MCF2L2: variants seen among roughly 807,000 people sequenced by gnomAD.
The protein encoded by MCF2L2 is MCF.2 cell line derived transforming sequence-like 2, also known as probable guanine nucleotide exchange factor MCF2L2.
A neutral mutation model predicts 150.2 loss-of-function variants in MCF2L2; 102 were observed. That is an observed-to-expected ratio of 0.68 (90% CI 0.58 to 0.80). The LOEUF (loss-of-function observed/expected upper bound fraction) is 0.80. MCF2L2 is among the 30% of genes least tolerant of loss of function. The pLI is 0.00. For synonymous variants in MCF2L2, 465 were observed against 491.3 expected, an observed-to-expected ratio of 0.95 and a Z score of 0.71; for missense variants, 1,256 against 1,372.8, an observed-to-expected ratio of 0.91 and a Z score of 1.34.
chr3:183,211,385 T>C lies in MCF2L2; in HGVS notation c.2497-3562A>G, dbSNP rs571186048. 2.0e-5 allele frequency among the ~76,000 whole-genome samples: 3 copies of C among 152,296 alleles called. No individual in the cohort carries two copies. In the South Asian group the frequency reaches 6.2e-4, roughly 32 times the overall value. On this transcript the variant is annotated intron_variant, in intron 22 of 29. Transcript: ENST00000328913. ...GGGGGGAGTCGCTGGGTCTTTCAAG[T>C]CTGGCAGAAACATATGGGCACATAT...
In MCF2L2 at chr3:183,223,438, C is replaced by T. The variant is rs1334267660; in HGVS notation, c.2209G>A (p.Val737Ile). ...QECQDCAYFG[V>I]CQRQLDHNLP... ...TTGTGATCCAGTTGGCGCTGGCATA[C>T]CTTTAAAAGCCAAATAGAAACAACA... Residue 737 changes from valine to isoleucine, a missense_variant and splice_region_variant, in exon 20 of 30, where the codon GTA (valine) becomes ATA (isoleucine). Physicochemically the swap from Val to Ile is conservative, Grantham distance 29. Transcript: ENST00000328913. 6.2e-7 allele frequency: 1 copy of T among 1,608,650 alleles called. No individual in the cohort carries two copies. Among genetic ancestry groups the T allele is most frequent in the Non-Finnish European group, 8.5e-7 (1 of 1,175,046 alleles).
At chr3:183,355,082 T>A in intron 3 of MCF2L2, among the ~76,000 whole-genome samples, 1 of 150,272 alleles carries the variant, frequency 6.7e-6, no homozygotes, top group Non-Finnish European at 1.5e-5. Context: ...ATTATATTAT[T>A]TATTATTTAT....
In MCF2L2 at chr3:183,215,987, T is replaced by C; in HGVS notation, c.2478A>G (p.Ala826=). ...AACATACCGGACATTCAGTCACTGCTGCTAGGTCCACAGCCAACTCACAGG... is the reference window on the plus strand; with the variant it reads ...AACATACCGGACATTCAGTCACTGCCGCTAGGTCCACAGCCAACTCACAGG... ...IKSCELAVDL[A]AVTECPDDIG... is the part of the protein sequence containing the mutation. Residue 826 remains alanine, a synonymous_variant, in exon 22 of 30, where the codon GCA becomes GCG. Transcript: ENST00000328913. 4 of 1,613,916 alleles carry C rather than the reference T, an allele frequency of 2.5e-6. No individual in the cohort carries two copies. The highest frequency in any genetic ancestry group is 3.4e-6 in the Non-Finnish European group (4 of 1,179,860).
Position 183,381,460 on chromosome 3 carries a change from A to C in MCF2L2, c.161-2049T>G, listed in dbSNP as rs182075891. Among the ~76,000 whole-genome samples the C allele has an allele frequency of 5.9e-4, 90 of 152,360 alleles. 1 individual carries two copies. The highest frequency in any genetic ancestry group is 1.9e-3 in the African/African-American group (78 of 41,590). ...CTCTCTGGTGCTGACTCCAAGCCTG[A>C]TAAGAATCTTCTGTTTATAATCTGA... On this transcript the variant is annotated intron_variant, in intron 2 of 29. Coordinates refer to ENST00000328913, the MANE Select transcript of MCF2L2 (RefSeq NM_015078.4).
intron 6 of MCF2L2, among the ~76,000 whole-genome samples, chr3:183,320,575 T>C (rs1324046819): frequency 1.3e-5 from 2 of 152,180 alleles, no homozygotes; most frequent in South Asian, 2.1e-4. Flanking sequence ...ATTAATAAAG[T>C]TGAAGAGAAC....
chr3:183,310,850 G>C, intron 9 of MCF2L2, 65 bp downstream of exon 9: 2 of 1,044,520 alleles, frequency 1.9e-6, no homozygotes, highest in Non-Finnish European at 2.9e-6. Flanking sequence ...AAAGAGTGAG[G>C]AGGGAGAGAA....
chr3:183,385,121 GTTGAATA>G (rs1446841416), intron 2 of MCF2L2, among the ~76,000 whole-genome samples: 1 of 152,106 alleles, frequency 6.6e-6, no homozygotes, highest in Non-Finnish European at 1.5e-5. Context: ...TCCCAAAAAT[GTTGAATA>G]TCGAGTACAT....
At chr3:183,426,033 A>C (rs1361832272) in intron 1 of MCF2L2, among the ~76,000 whole-genome samples, 1 of 152,158 alleles carries the variant, frequency 6.6e-6, no homozygotes, top group Non-Finnish European at 1.5e-5. Context: ...TGAGTACCCC[A>C]CCCATTTCAC....
At chr3:183,334,313 A>C (rs573945605) in intron 5 of MCF2L2, among the ~76,000 whole-genome samples, 5 of 152,296 alleles carry the variant, frequency 3.3e-5, no homozygotes, top group Non-Finnish European at 7.4e-5. Context: ...TATTTGCATG[A>C]TCTTAAAGTG....
chr3:183,301,895 T>C (rs1168147713), intron 10 of MCF2L2, among the ~76,000 whole-genome samples: 1 of 152,142 alleles, frequency 6.6e-6, no homozygotes, highest in Non-Finnish European at 1.5e-5. Context: ...GAACTTAGAT[T>C]TTTGGGAAGG....
rs190705696 is a variant in MCF2L2, at chr3:183,193,643, G to A, written c.2919-547C>T. Among the ~76,000 whole-genome samples the A allele has an allele frequency of 2.2e-4, 33 of 152,252 alleles. No individual in the cohort carries two copies. In the South Asian group the frequency reaches 4.4e-3, roughly 20 times the overall value. On this transcript the variant is annotated intron_variant, in intron 26 of 29. Transcript: ENST00000328913. ...GGATTACATGGCTACAAATCTTAAAGGGGGAAGAGATGAGGAGGAATAATC... is the reference window on the plus strand; with the variant it reads ...GGATTACATGGCTACAAATCTTAAAAGGGGAAGAGATGAGGAGGAATAATC...
chr3:183,180,115 A>ATG lies in MCF2L2; in HGVS notation c.3060_3061insCA (p.Cys1021HisfsTer15). 3 of 1,614,058 alleles carry ATG rather than the reference A, an allele frequency of 1.9e-6. No homozygotes were observed. Among genetic ancestry groups the ATG allele is most frequent in the Non-Finnish European group, 2.5e-6 (3 of 1,179,976 alleles). On this transcript the variant is annotated frameshift_variant, in exon 28 of 30. Transcript: ENST00000328913. LOFTEE classifies it high-confidence loss of function. ...TTTTCCATGTCTTCTGCGCCTTCAC[A>ATG]GTCTTCAAAGGTGTCCATGGAGCTA...
chr3:183,369,994 T>G (rs1712768828), intron 3 of MCF2L2, among the ~76,000 whole-genome samples: 1 of 152,192 alleles, frequency 6.6e-6, no homozygotes, highest in Admixed American at 6.5e-5. Context: ...CCATATCACA[T>G]AATAAATAGG....
intron 15 of MCF2L2, among the ~76,000 whole-genome samples, chr3:183,239,443 G>A (rs1288246195): frequency 6.7e-6 from 1 of 149,344 alleles, no homozygotes; most frequent in African/African-American, 2.5e-5. Flanking sequence ...CCAAGGGGCA[G>A]GAATGAAAGG....
In MCF2L2 at chr3:183,341,620, C is replaced by T. The variant is rs1334749575; in HGVS notation, c.286G>A (p.Ala96Thr). ...YLTSIPSVEA[A>T]SIGFIVVIDR... ...ATAACAACAATGAATCCAATGCTGG[C>T]AGCCTCCACACTGCAAAGAAGGGTG... The change falls in exon 4 of 30, where the codon GCC becomes ACC. Residue 96 changes from alanine to threonine, a missense_variant. Physicochemically the swap from Ala to Thr is moderately conservative, Grantham distance 58 (BLOSUM62 0). Coordinates refer to ENST00000328913, the MANE Select transcript of MCF2L2 (RefSeq NM_015078.4). The T allele has an allele frequency of 2.5e-6, 4 of 1,613,534 alleles. No individual in the cohort carries two copies. Among genetic ancestry groups the T allele is most frequent in the Admixed American group, 3.3e-5 (2 of 59,988 alleles).
intron 15 of MCF2L2, among the ~76,000 whole-genome samples, chr3:183,248,489 G>A (rs1560366258): frequency 6.6e-6 from 1 of 152,136 alleles, no homozygotes; most frequent in African/African-American, 2.4e-5. Flanking sequence ...TCTCTGTAAA[G>A]CAGGAAATTA....
intron 10 of MCF2L2, among the ~76,000 whole-genome samples, chr3:183,304,046 C>T (rs1051659246): frequency 2.6e-5 from 4 of 152,136 alleles, no homozygotes; most frequent in African/African-American, 9.7e-5. Flanking sequence ...CCTAGAAAGC[C>T]CATCCTTCCC....
chr3:183,291,924 G>A (rs767623083), intron 13 of MCF2L2, among the ~76,000 whole-genome samples: 2 of 152,136 alleles, frequency 1.3e-5, no homozygotes, highest in East Asian at 1.9e-4. Flanking sequence ...TGGAAACAAC[G>A]AATGAGGCCA....
chr3:183,232,122 A>C lies in MCF2L2; in HGVS notation c.1863-1105T>G, dbSNP rs182049497. 2.3e-3 allele frequency among the ~76,000 whole-genome samples: 356 copies of C among 152,308 alleles called. 1 individual carries two copies. The highest frequency in any genetic ancestry group is 4.2e-3 in the Non-Finnish European group (284 of 68,026). On this transcript the variant is annotated intron_variant, in intron 15 of 29. Transcript: ENST00000328913. Reference sequence around the variant, plus strand: ...TGGAAGCATAAAAAAGATTCAACACAAAGGAGATTCCCCTTTGCTGACTTT... The same window carrying C: ...TGGAAGCATAAAAAAGATTCAACACCAAGGAGATTCCCCTTTGCTGACTTT...
Sources: allele counts gnomAD v4.1 joint callset (sites outside exome capture counted in the v4.1 genomes callset), GRCh38; gene constraint gnomAD v4.1.1; transcripts MANE v1.5; gene names NCBI Gene and HGNC (gene_info 2026-07-23, HGNC 2026-07-21).